MDGA2: variants seen among roughly 807,000 people sequenced by gnomAD.
The protein encoded by MDGA2 is MAM domain containing glycosylphosphatidylinositol anchor 2, also known as MAM domain-containing glycosylphosphatidylinositol anchor protein 2.
In MDGA2, 40 loss-of-function variants were observed where a neutral mutation model predicts 117.8. The observed-to-expected ratio is 0.34, with a 90% CI of 0.26 to 0.44. The LOEUF (loss-of-function observed/expected upper bound fraction) is 0.44. MDGA2 is among the 20% of genes least tolerant of loss of function. MDGA2 has a pLI of 1.00. For missense variants in MDGA2, 1,123 were observed against 1,250.6 expected, an observed-to-expected ratio of 0.90 and a Z score of 1.54; for synonymous variants, 452 against 439.0, an observed-to-expected ratio of 1.03 and a Z score of -0.37.
At chr14:46,904,179 C>T (rs1207974284) in intron 10 of MDGA2, among the ~76,000 whole-genome samples, 1 of 151,822 alleles carries the variant, frequency 6.6e-6, no homozygotes, top group East Asian at 1.9e-4. Flanking sequence ...GCCTGGCCAA[C>T]ATGGTGAAAA....
chr14:47,243,755 G>C (rs537627350), intron 2 of MDGA2, among the ~76,000 whole-genome samples: 2 of 151,824 alleles, frequency 1.3e-5, no homozygotes, highest in East Asian at 3.9e-4. Context: ...GCGAGGGTCC[G>C]AGGCTTCATT....
intron 3 of MDGA2, among the ~76,000 whole-genome samples, chr14:47,158,550 G>A (rs541431105): frequency 2.7e-5 from 4 of 148,870 alleles, no homozygotes; most frequent in Admixed American, 1.3e-4. Flanking sequence ...GCGCGATCTC[G>A]GCTCACTACA....
intron 1 of MDGA2, among the ~76,000 whole-genome samples, chr14:47,516,459 G>A (rs1212243192): frequency 1.3e-5 from 2 of 152,064 alleles, no homozygotes; most frequent in Non-Finnish European, 2.9e-5. Context: ...GTTTAAACCA[G>A]GTACTAAATT....
At chr14:47,578,572 A>G (rs1430069693) in intron 1 of MDGA2, among the ~76,000 whole-genome samples, 1 of 152,120 alleles carries the variant, frequency 6.6e-6, no homozygotes. Context: ...AGACATCACC[A>G]AAATAGGGCA....
chr14:47,194,745 A>ACT (rs150931481), intron 3 of MDGA2, among the ~76,000 whole-genome samples: 13 of 150,354 alleles, frequency 8.6e-5, no homozygotes, highest in Non-Finnish European at 1.6e-4. Context: ...GGTGAATCTC[A>ACT]CTCTCTCTCT....
rs185889037 is a variant in MDGA2 at position 47,620,556 on chromosome 14, C to T, written c.280+53961G>A. On this transcript the variant is annotated intron_variant, in intron 1 of 16. Coordinates refer to ENST00000399232, the MANE Select transcript of MDGA2 (RefSeq NM_001113498.3). ...AAATACTGATGAGAGGGCAGGATAA[C>T]CTAATTGTTTCCCTAATTGGGCCAT... 5.1e-4 allele frequency among the ~76,000 whole-genome samples: 78 copies of T among 152,258 alleles called. 3 individuals are homozygous for T. The highest frequency in any genetic ancestry group is 1.8e-3 in the African/African-American group (76 of 41,554).
chr14:46,995,983 G>C (rs903362657), intron 8 of MDGA2, among the ~76,000 whole-genome samples: 1 of 151,678 alleles, frequency 6.6e-6, no homozygotes, highest in Non-Finnish European at 1.5e-5. Context: ...AAAAAGCACT[G>C]GTCTATATCC....
intron 1 of MDGA2, among the ~76,000 whole-genome samples, chr14:47,406,807 TA>T (rs1376631855): frequency 6.6e-6 from 1 of 152,052 alleles, no homozygotes; most frequent in Admixed American, 6.6e-5. Context: ...AAGAGAATTA[TA>T]AAGTTTTGTA....
At chr14:47,098,113 T>C (rs535782833) in intron 5 of MDGA2, among the ~76,000 whole-genome samples, 6 of 152,104 alleles carry the variant, frequency 3.9e-5, no homozygotes, top group African/African-American at 1.4e-4. Flanking sequence ...AGCTGTATTA[T>C]ATGAAATCAA....
At chr14:47,165,685 T>C (rs989646213) in intron 3 of MDGA2, among the ~76,000 whole-genome samples, 73 of 152,214 alleles carry the variant, frequency 4.8e-4, no homozygotes, top group African/African-American at 1.7e-3. Context: ...AATGCTGGTA[T>C]GGATGGTCTT....
At chr14:46,890,571 C>T (rs763072523) in intron 10 of MDGA2, among the ~76,000 whole-genome samples, 7 of 151,982 alleles carry the variant, frequency 4.6e-5, no homozygotes, top group African/African-American at 9.7e-5. Flanking sequence ...TGAATGTGTC[C>T]ACAGCATCAG....
intron 7 of MDGA2, among the ~76,000 whole-genome samples, chr14:47,038,726 A>G (rs955935317): frequency 2.0e-5 from 3 of 151,972 alleles, no homozygotes; most frequent in Admixed American, 2.0e-4. Flanking sequence ...TCACAAAGTC[A>G]GGAGATCAAG....
At chr14:47,470,852 C>T (rs1173604457) in intron 1 of MDGA2, among the ~76,000 whole-genome samples, 5 of 152,118 alleles carry the variant, frequency 3.3e-5, no homozygotes, top group African/African-American at 1.2e-4. Context: ...TTAATGAAAG[C>T]ACGGAAGTGA....
chr14:46,891,799 A>G (rs908814437), intron 10 of MDGA2, among the ~76,000 whole-genome samples: 6 of 151,456 alleles, frequency 4.0e-5, no homozygotes, highest in Admixed American at 1.3e-4. Context: ...TTATTATTGG[A>G]TTTTTTTAAT....
chr14:47,549,729 T>C (rs932751283), intron 1 of MDGA2, among the ~76,000 whole-genome samples: 3 of 152,140 alleles, frequency 2.0e-5, no homozygotes, highest in African/African-American at 7.2e-5. Flanking sequence ...GTTGTCCTTA[T>C]AAGCAGAGAC....
intron 8 of MDGA2, among the ~76,000 whole-genome samples, chr14:46,979,812 A>C (rs1886599018): frequency 6.6e-6 from 1 of 152,192 alleles, no homozygotes; most frequent in South Asian, 2.1e-4. Context: ...TAAAAGTGCA[A>C]GATGAAGCAG....
chr14:47,171,386 T>C (rs1884126810), intron 3 of MDGA2, among the ~76,000 whole-genome samples: 1 of 152,116 alleles, frequency 6.6e-6, no homozygotes, highest in Non-Finnish European at 1.5e-5. Context: ...TATCAAACAA[T>C]TTCACACTGT....
intron 1 of MDGA2, among the ~76,000 whole-genome samples, chr14:47,506,542 G>T (rs1894516459): frequency 6.6e-6 from 1 of 152,134 alleles, no homozygotes; most frequent in African/African-American, 2.4e-5. Flanking sequence ...GCTTCACTAT[G>T]CATGTGAGAA....
At chr14:47,603,764 G>C (rs1292777005) in intron 1 of MDGA2, among the ~76,000 whole-genome samples, 1 of 152,118 alleles carries the variant, frequency 6.6e-6, no homozygotes, top group African/African-American at 2.4e-5. Flanking sequence ...CTCCAATTCT[G>C]GAGGCAGGGC....
Sources: allele counts gnomAD v4.1 joint callset (sites outside exome capture counted in the v4.1 genomes callset), GRCh38; gene constraint gnomAD v4.1.1; transcripts MANE v1.5; gene names NCBI Gene and HGNC (gene_info 2026-07-23, HGNC 2026-07-21).